SPANXN1: variants seen among roughly 807,000 people sequenced by gnomAD.
The protein encoded by SPANXN1 is sperm protein associated with the nucleus on the X chromosome N1.
Under a neutral mutation model 2.0 loss-of-function variants are expected in SPANXN1, and 1 was observed. The observed-to-expected ratio is 0.50, with a 90% confidence interval of 0.18 to 2.36. SPANXN1 has a LOEUF of 2.36. Among genes scored for constraint, SPANXN1 ranks in the 30% most tolerant of loss-of-function variants. The pLI is 0.26. For synonymous variants in SPANXN1, 27 were observed against 21.3 expected (o/e 1.27, Z -0.74); for missense variants, 55 against 51.8 (o/e 1.06, Z -0.19).
chrX:145,251,599 G>A (rs1177157197), intron 1 of SPANXN1, among the ~76,000 whole-genome samples: 2 of 112,157 alleles, frequency 1.8e-5, no homozygotes, highest in Non-Finnish European at 3.8e-5. Context: ...TGGTCGGAAT[G>A]TACATACAAA....
At chrX:145,249,744 G>A (rs2070777839) in intron 1 of SPANXN1, among the ~76,000 whole-genome samples, 1 of 109,975 alleles carries the variant, frequency 9.1e-6, no homozygotes, top group South Asian at 3.9e-4. Context: ...GGTTGGAGAG[G>A]GAGGAGGAGG....
At chrX:145,249,707 A>T (rs2070777572) in intron 1 of SPANXN1, among the ~76,000 whole-genome samples, 1 of 110,502 alleles carries the variant, frequency 9.0e-6, no homozygotes. Flanking sequence ...AGTAGTTAGC[A>T]TCACCTGGTG....
Position 145,255,804 on chromosome X carries a change from A to G in SPANXN1, c.209A>G (p.Asp70Gly). 8.2e-7 allele frequency: 1 copy of G among 1,212,266 alleles called. No homozygotes were observed. Reference protein sequence around the residue: ...KKIHSNQLENDQS With the variant: ...KKIHSNQLENGQS ...ATACATTCAAATCAACTGGAGAATG[A>G]CCAGTCCTGAGAGAACTCCATCAAT... The change falls in exon 2 of 2, where the codon GAC becomes GGC. Residue 70 changes from aspartate (D) to glycine (G), a missense_variant. By Grantham distance (94) the Asp-to-Gly change is moderately conservative. Transcript: ENST00000370493.
chrX:145,249,909 A>G (rs1357705102), intron 1 of SPANXN1, among the ~76,000 whole-genome samples: 1 of 110,973 alleles, frequency 9.0e-6, no homozygotes, highest in Non-Finnish European at 1.9e-5. Flanking sequence ...TAGAAGGGGG[A>G]GAAAATACGG....
At chrX:145,249,409 G>T (rs1171397273) in intron 1 of SPANXN1, among the ~76,000 whole-genome samples, 16 of 111,027 alleles carry the variant, frequency 1.4e-4, no homozygotes, top group Non-Finnish European at 2.8e-4. Context: ...TCCTGCGTTA[G>T]TGTGAGAAAT....
intron 1 of SPANXN1, among the ~76,000 whole-genome samples, chrX:145,253,545 T>C (rs782617467): frequency 9.0e-6 from 1 of 111,283 alleles, no homozygotes; most frequent in East Asian, 2.8e-4. Context: ...GTTGTGACCT[T>C]TGGAAGGCAG....
At chrX:145,248,749 A>C (rs1317086153) in intron 1 of SPANXN1, among the ~76,000 whole-genome samples, 2 of 111,645 alleles carry the variant, frequency 1.8e-5, no homozygotes, top group East Asian at 5.7e-4. Flanking sequence ...CCTGATAGGA[A>C]ATGTTGGTGG....
At chrX:145,255,123 G>A (rs1399763254) in intron 1 of SPANXN1, among the ~76,000 whole-genome samples, 1 of 111,714 alleles carries the variant, frequency 9.0e-6, no homozygotes, top group Non-Finnish European at 1.9e-5. Flanking sequence ...GCAGAAACTT[G>A]TGGAAGTGGG....
intron 1 of SPANXN1, among the ~76,000 whole-genome samples, chrX:145,252,215 T>C (rs1556882587): frequency 9.0e-6 from 1 of 111,449 alleles, no homozygotes; most frequent in Non-Finnish European, 1.9e-5. Context: ...CATGTGAGTA[T>C]TAGGATTTGG....
At position 145,252,149 on chromosome X, in the gene SPANXN1, A is replaced by G. The variant is rs782512747; in HGVS notation, c.76-3522A>G. Among the ~76,000 whole-genome samples the G allele has an allele frequency of 1.4e-4, 16 of 112,101 alleles. No individual in the cohort carries two copies. In the South Asian group the frequency reaches 6.0e-3, roughly 42 times the overall value. ...GTCCTTGATGAGGGCCTGTCTGAAT[A>G]GATGGGGGCTATCCTGGAACCCCTG... On this transcript the variant is annotated intron_variant, in intron 1 of 1. Coordinates refer to ENST00000370493, the MANE Select transcript of SPANXN1 (RefSeq NM_001009614.3).
chrX:145,254,609 C>T (rs1353629773), intron 1 of SPANXN1, among the ~76,000 whole-genome samples: 2 of 112,325 alleles, frequency 1.8e-5, no homozygotes, highest in African/African-American at 6.5e-5. Context: ...CTGAGGCTGT[C>T]CCCTGAGAAG....
At chrX:145,250,316 G>GA (rs2070780507) in intron 1 of SPANXN1, among the ~76,000 whole-genome samples, 2 of 111,158 alleles carry the variant, frequency 1.8e-5, no homozygotes, top group African/African-American at 3.3e-5. Flanking sequence ...CTACTATTGT[G>GA]AGGTATAGGA....
At chrX:145,252,298 C>T (rs2070789250) in intron 1 of SPANXN1, among the ~76,000 whole-genome samples, 1 of 111,185 alleles carries the variant, frequency 9.0e-6, no homozygotes, top group Admixed American at 9.6e-5. Flanking sequence ...TTAGCTCCAA[C>T]ACAGAGGAGT....
intron 1 of SPANXN1, among the ~76,000 whole-genome samples, chrX:145,250,540 C>G (rs1692678880): frequency 1.8e-5 from 2 of 111,615 alleles, no homozygotes; most frequent in Admixed American, 9.5e-5. Context: ...GGGGCAGTAA[C>G]CGGCATGGAA....
At chrX:145,251,153 T>C (rs1386722794) in intron 1 of SPANXN1, among the ~76,000 whole-genome samples, 20 of 111,683 alleles carry the variant, frequency 1.8e-4, no homozygotes, top group African/African-American at 5.9e-4. Flanking sequence ...ACCGTGTATG[T>C]GTTCCCTGCA....
At chrX:145,247,842 G>C (rs1271648910) in intron 1 of SPANXN1, among the ~76,000 whole-genome samples, 181 bp downstream of exon 1, 1 of 112,770 alleles carries the variant, frequency 8.9e-6, no homozygotes, top group African/African-American at 3.2e-5. Flanking sequence ...GGAGGGGCCT[G>C]GGCAGTATGG....
chrX:145,253,692 T>C lies in SPANXN1; in HGVS notation c.76-1979T>C, dbSNP rs149827058. 3.3e-3 allele frequency among the ~76,000 whole-genome samples: 371 copies of C among 110,939 alleles called. 2 individuals carry two copies. Among genetic ancestry groups the C allele is most frequent in the Non-Finnish European group, 5.4e-3 (284 of 52,948 alleles). On this transcript the variant is annotated intron_variant, in intron 1 of 1. Transcript: ENST00000370493. ...GTTCTGGGGACAGCTAGGGTCCCTA[T>C]TGGGTTGTGAGTAGCATCTTTTTGT... is the stretch of plus-strand genomic sequence containing the variant.
At chrX:145,252,114 G>T (rs781909702) in intron 1 of SPANXN1, among the ~76,000 whole-genome samples, 1 of 111,971 alleles carries the variant, frequency 8.9e-6, no homozygotes, top group South Asian at 3.8e-4. Flanking sequence ...AAAAGAGGAA[G>T]TTCAGCTAGG....
At chrX:145,254,607 G>A (rs1228318789) in intron 1 of SPANXN1, among the ~76,000 whole-genome samples, 5 of 112,420 alleles carry the variant, frequency 4.4e-5, no homozygotes, top group African/African-American at 1.6e-4. Context: ...TTCTGAGGCT[G>A]TCCCCTGAGA....
Sources: allele counts gnomAD v4.1 joint callset (sites outside exome capture counted in the v4.1 genomes callset), GRCh38; gene constraint gnomAD v4.1.1; transcripts MANE v1.5; gene names NCBI Gene and HGNC (gene_info 2026-07-23, HGNC 2026-07-21).